Variants in ATF7 observed in about 807,000 individuals in gnomAD.
The protein encoded by ATF7 is activating transcription factor 7.
Under a neutral mutation model 50.4 loss-of-function variants are expected in ATF7, and 10 were observed. The ratio of observed to expected loss-of-function variants is 0.20; its 90% CI spans 0.12 to 0.34. ATF7 has a LOEUF of 0.34. ATF7 is among the 10% of genes least tolerant of loss of function. The pLI is 1.00. For missense variants in ATF7, 465 were observed against 613.9 expected (o/e 0.76, Z 2.56); for synonymous variants, 201 against 226.4 (o/e 0.89, Z 1.01).
intron 2 of ATF7, among the ~76,000 whole-genome samples, chr12:53,577,170 C>T (rs748612071): frequency 5.9e-5 from 9 of 152,030 alleles, no homozygotes; most frequent in Non-Finnish European, 1.0e-4. Context: ...TCTGTAGTTC[C>T]GGCTACTTGG....
At chr12:53,611,267 G>A (rs983627807) in intron 1 of ATF7, among the ~76,000 whole-genome samples, 1 of 152,052 alleles carries the variant, frequency 6.6e-6, no homozygotes, top group South Asian at 2.1e-4. Context: ...TCAGGAGATC[G>A]AGACACTCCT....
At chr12:53,585,475 T>A (rs1307026774) in intron 2 of ATF7, among the ~76,000 whole-genome samples, 1 of 152,028 alleles carries the variant, frequency 6.6e-6, no homozygotes, top group Non-Finnish European at 1.5e-5. Context: ...CACTTTTCAC[T>A]CAATTTTGCT....
rs1332215717 is a variant in ATF7 at position 53,513,086 on chromosome 12, T to C, written c.*4051A>G. The C allele has an allele frequency of 2.0e-5, 3 of 152,194 alleles. No homozygotes were observed. The highest frequency in any genetic ancestry group is 4.4e-5 in the Non-Finnish European group (3 of 68,032). 9.4% of individuals were successfully genotyped at this position (152,194 alleles called of 1,614,324 possible). On this transcript the variant is annotated 3_prime_UTR_variant, in exon 12 of 12. Coordinates refer to ENST00000420353, the MANE Select transcript of ATF7 (RefSeq NM_006856.3). ...TCACCAGTAGCTACTGCTGGTGAGATAACTCTGTGCTATTAGCCCCCCATT... is the reference window on the plus strand; with the variant it reads ...TCACCAGTAGCTACTGCTGGTGAGACAACTCTGTGCTATTAGCCCCCCATT...
chr12:53,587,843 A>ATATATATATATATATATTTTT, intron 2 of ATF7, among the ~76,000 whole-genome samples: 15 of 61,562 alleles, frequency 2.4e-4, no homozygotes, highest in African/African-American at 4.1e-4. Flanking sequence ...ATATATATAT[A>ATATATATATATATATATTTTT]TTTTTTTTTT....
intron 2 of ATF7, among the ~76,000 whole-genome samples, chr12:53,553,885 G>A (rs1318141666): frequency 6.6e-6 from 1 of 152,194 alleles, no homozygotes. Flanking sequence ...ATACACGGGA[G>A]TTGGCCCCAT....
At chr12:53,544,950 C>T (rs969764737) in intron 3 of ATF7, among the ~76,000 whole-genome samples, 6 of 152,124 alleles carry the variant, frequency 3.9e-5, no homozygotes, top group African/African-American at 1.4e-4. Context: ...GGTTGGCTAA[C>T]GATAAAGCCA....
rs1943375772 is a variant in ATF7, at chr12:53,600,959, A to G, written c.42T>C (p.Cys14=). ...DRPFVCNAPG[C]GQRFTNEDHL... is the part of the protein sequence containing the mutation. The stretch of plus-strand genomic sequence containing the variant: ...AAGTATATTGTAAACGTACCTGTCC[A>G]CAGCCCGGGGCATTGCACACAAACG... Residue 14 remains cysteine (C), a synonymous_variant, in exon 2 of 12, where the codon TGT becomes TGC. Coordinates refer to ENST00000420353, the MANE Select transcript of ATF7 (RefSeq NM_006856.3). The G allele has an allele frequency of 1.9e-6, 3 of 1,613,356 alleles. No individual in the cohort carries two copies. In the African/African-American group the frequency reaches 4.0e-5, roughly 22 times the overall value.
chr12:53,552,167 G>C (rs1010304082), intron 3 of ATF7, among the ~76,000 whole-genome samples: 3 of 152,132 alleles, frequency 2.0e-5, no homozygotes, highest in Admixed American at 1.3e-4. Flanking sequence ...GGCTAGATTG[G>C]CTTTTTTTTG....
At chr12:53,555,730 G>A (rs1229876757) in intron 2 of ATF7, among the ~76,000 whole-genome samples, 7 of 151,978 alleles carry the variant, frequency 4.6e-5, no homozygotes, top group African/African-American at 4.8e-5. Flanking sequence ...GGCTGGTCTC[G>A]AATTCCCGAC....
chr12:53,559,270 C>T (rs1940946530), intron 2 of ATF7, among the ~76,000 whole-genome samples: 1 of 151,270 alleles, frequency 6.6e-6, no homozygotes, highest in African/African-American at 2.4e-5. Flanking sequence ...CATTACGTTG[C>T]CCAGCTGGTC....
chr12:53,609,641 TAAAAA>T (rs74845346), intron 1 of ATF7, among the ~76,000 whole-genome samples: 1 of 133,168 alleles, frequency 7.5e-6, no homozygotes, highest in African/African-American at 2.7e-5. Flanking sequence ...CTGGGACTCT[TAAAAA>T]AAAAAAAAAA....
intron 1 of ATF7, among the ~76,000 whole-genome samples, chr12:53,608,304 T>TA (rs1488326495): frequency 6.6e-6 from 1 of 151,616 alleles, no homozygotes; most frequent in Non-Finnish European, 1.5e-5. Context: ...ACAGTATATT[T>TA]AAAAATTATA....
chr12:53,607,057 T>C (rs866588156), intron 1 of ATF7, among the ~76,000 whole-genome samples: 144 of 152,318 alleles, frequency 9.5e-4, no homozygotes, highest in Non-Finnish European at 1.8e-3. Flanking sequence ...GCATGATTTA[T>C]AATCCTTTGG....
At chr12:53,578,234 T>C (rs1250382214) in intron 2 of ATF7, among the ~76,000 whole-genome samples, 13 of 151,312 alleles carry the variant, frequency 8.6e-5, no homozygotes, top group Non-Finnish European at 1.3e-4. Context: ...ATTAGCCAAG[T>C]GTCCTGGCGT....
chr12:53,533,536 A>G (rs1046321892), intron 6 of ATF7, among the ~76,000 whole-genome samples: 7 of 152,232 alleles, frequency 4.6e-5, no homozygotes, highest in Non-Finnish European at 8.8e-5. Flanking sequence ...ACAATTAAAC[A>G]TTCCTACCAC....
chr12:53,553,514 T>G (rs1396477060), intron 2 of ATF7, among the ~76,000 whole-genome samples: 2 of 152,188 alleles, frequency 1.3e-5, no homozygotes, highest in Non-Finnish European at 1.5e-5. Context: ...AGTTTATGAT[T>G]AAGTAAAATA....
intron 3 of ATF7, among the ~76,000 whole-genome samples, chr12:53,545,888 T>C (rs1212703020): frequency 6.6e-6 from 1 of 151,282 alleles, no homozygotes; most frequent in Non-Finnish European, 1.5e-5. Flanking sequence ...TGAAACTCCA[T>C]CTCTTCAAAA....
At chr12:53,618,644 C>T (rs1421188206) in intron 1 of ATF7, among the ~76,000 whole-genome samples, 2 of 152,182 alleles carry the variant, frequency 1.3e-5, no homozygotes, top group African/African-American at 2.4e-5. Context: ...TCACCTACAA[C>T]ACTTAGACCT....
rs1009505059 is a variant in ATF7 at position 53,531,599 on chromosome 12, T to C, written c.927+145A>G. On this transcript the variant is annotated intron_variant, in intron 9 of 11. Coordinates refer to ENST00000420353, the MANE Select transcript of ATF7 (RefSeq NM_006856.3). The stretch of plus-strand genomic sequence containing the variant: ...AAAAGAATGGTACGTTTTGCTATAG[T>C]CAAACTGCCATCAAGAACCAAAGTA... The C allele has an allele frequency of 1.1e-5, 9 of 806,856 alleles. No homozygotes were observed. The East Asian group carries it at 1.9e-4, about 17-fold the overall frequency. The allele number at this position is 806,856 out of a possible 1,614,324, so 50.0% of individuals were successfully genotyped here.
Sources: gnomAD v4.1 joint callset for allele counts (sites outside exome capture counted in the v4.1 genomes callset) on GRCh38, gnomAD v4.1.1 for gene constraint, MANE v1.5 for transcripts, NCBI Gene and HGNC (gene_info 2026-07-23, HGNC 2026-07-21) for gene names.